Variants in FUT9 observed in about 807,000 individuals in gnomAD.
FUT9 encodes 4-galactosyl-N-acetylglucosaminide 3-alpha-L-fucosyltransferase 9.
Under a neutral mutation model 29.7 loss-of-function variants are expected in FUT9, and 15 were observed. The ratio of observed to expected loss-of-function variants is 0.51; its 90% confidence interval spans 0.34 to 0.78. FUT9 has a LOEUF of 0.78. Ranked by LOEUF, FUT9 falls within the 30% of genes least tolerant of loss-of-function variation. The probability of loss-of-function intolerance (pLI) is 0.01; values close to 1 mark genes in which losing one functional copy is unlikely to be tolerated. For missense variants in FUT9, 319 were observed against 425.4 expected (o/e 0.75, Z 2.20); for synonymous variants, 169 against 153.7 (o/e 1.10, Z -0.74).
chr6:96,146,609 G>C (rs1772572158), intron 2 of FUT9, among the ~76,000 whole-genome samples: 1 of 152,144 alleles, frequency 6.6e-6, no homozygotes, highest in Admixed American at 6.5e-5. Flanking sequence ...CATTTAAAGA[G>C]AAATAAATTA....
intron 1 of FUT9, among the ~76,000 whole-genome samples, chr6:96,071,753 C>G (rs1771066793): frequency 6.6e-6 from 1 of 151,900 alleles, no homozygotes. Context: ...AACAGCCAAT[C>G]AATAATTATA....
intron 2 of FUT9, among the ~76,000 whole-genome samples, chr6:96,126,246 C>T (rs1772131536): frequency 6.6e-6 from 1 of 152,170 alleles, no homozygotes; most frequent in South Asian, 2.1e-4. Flanking sequence ...ATCTGCTCAG[C>T]TTCTGGTGAG....
intron 1 of FUT9, among the ~76,000 whole-genome samples, chr6:96,096,684 A>ACGTGTGTGTGTGTGTG (rs113198716): frequency 1.4e-5 from 2 of 140,766 alleles, no homozygotes; most frequent in African/African-American, 5.4e-5. Context: ...TGTCTAAGGC[A>ACGTGTGTGTGTGTGTG]TGTGTGTGTG....
Position 96,214,802 on chromosome 6 carries a change from G to T in FUT9, c.*10567G>T, listed in dbSNP as rs760933596. ...AATTTCATTGCTATGTTATTAAAATGATGGGAATCCTATTTATACATTTAT... is the reference window on the plus strand; with the variant it reads ...AATTTCATTGCTATGTTATTAAAATTATGGGAATCCTATTTATACATTTAT... On this transcript the variant is annotated 3_prime_UTR_variant, in exon 3 of 3. Coordinates refer to ENST00000302103, the MANE Select transcript of FUT9 (RefSeq NM_006581.4). 1 of 166,916 alleles carries T rather than the reference G, an allele frequency of 6.0e-6. No homozygotes were observed. Among genetic ancestry groups the T allele is most frequent in the African/African-American group, 2.4e-5 (1 of 41,418 alleles). The allele number at this position is 166,916 out of a possible 1,614,324, so 10.3% of individuals were successfully genotyped here.
chr6:96,132,592 G>T (rs563670632), intron 2 of FUT9, among the ~76,000 whole-genome samples: 1 of 152,172 alleles, frequency 6.6e-6, no homozygotes, highest in African/African-American at 2.4e-5. Context: ...CGACAATTTT[G>T]GGGGACTTGT....
chr6:96,043,342 G>A (rs1311844490), intron 1 of FUT9, among the ~76,000 whole-genome samples: 4 of 152,294 alleles, frequency 2.6e-5, no homozygotes, highest in East Asian at 1.9e-4. Context: ...GAGCCACCGC[G>A]CCCAGACGAT....
chr6:96,048,035 G>A (rs1770594857), intron 1 of FUT9, among the ~76,000 whole-genome samples: 1 of 152,200 alleles, frequency 6.6e-6, no homozygotes, highest in South Asian at 2.1e-4. Flanking sequence ...TCTTCTAGAC[G>A]CTGCCTGCAT....
Position 96,129,101 on chromosome 6 carries a change from CA to C in FUT9, c.-9+14989del, listed in dbSNP as rs34943333. Among the ~76,000 whole-genome samples the C allele has an allele frequency of 2.2e-3, 300 of 134,468 alleles. 1 individual carries two copies. Among genetic ancestry groups the C allele is most frequent in the African/African-American group, 5.0e-3 (177 of 35,522 alleles). The allele number at this position is 134,468 out of a possible 152,430, so 88.2% of individuals were successfully genotyped here. On this transcript the variant is annotated intron_variant, in intron 2 of 2. Coordinates refer to ENST00000302103, the MANE Select transcript of FUT9 (RefSeq NM_006581.4). ...TGAAACCCTGTCTCTACTAAAAATA[CA>C]AAAAAAAAAAAAAATAGCTGGGCGT...
At chr6:96,115,405 A>T (rs935140323) in intron 2 of FUT9, among the ~76,000 whole-genome samples, 1 of 152,228 alleles carries the variant, frequency 6.6e-6, no homozygotes, top group East Asian at 1.9e-4. Context: ...CAATTCAGAT[A>T]CTAAAGTTTT....
At chr6:96,035,321 G>A (rs1207894895) in intron 1 of FUT9, among the ~76,000 whole-genome samples, 4 of 151,254 alleles carry the variant, frequency 2.6e-5, no homozygotes, top group Non-Finnish European at 5.9e-5. Context: ...ACAAAAAAGT[G>A]CATAAATGCA....
chr6:96,063,198 T>C (rs1012607961), intron 1 of FUT9, among the ~76,000 whole-genome samples: 5 of 152,070 alleles, frequency 3.3e-5, no homozygotes, highest in Non-Finnish European at 7.3e-5. Context: ...TGGCTGACAA[T>C]TTAGGGTGTA....
intron 1 of FUT9, among the ~76,000 whole-genome samples, chr6:96,016,803 G>A (rs192500382): frequency 6.6e-6 from 1 of 152,134 alleles, no homozygotes; most frequent in African/African-American, 2.4e-5. Context: ...ACACAGACAC[G>A]CTGTGATCCT....
chr6:96,075,413 A>T (rs907181803), intron 1 of FUT9, among the ~76,000 whole-genome samples: 4 of 152,162 alleles, frequency 2.6e-5, no homozygotes, highest in African/African-American at 9.7e-5. Flanking sequence ...CATATTTAGC[A>T]TCTGTAAGAA....
intron 1 of FUT9, among the ~76,000 whole-genome samples, chr6:96,071,786 A>G (rs1332254807): frequency 2.0e-5 from 3 of 151,950 alleles, no homozygotes; most frequent in African/African-American, 7.2e-5. Context: ...GTTAATATTT[A>G]AAATTAAAAT....
At chr6:96,127,798 A>C (rs1772160884) in intron 2 of FUT9, among the ~76,000 whole-genome samples, 1 of 151,950 alleles carries the variant, frequency 6.6e-6, no homozygotes, top group African/African-American at 2.4e-5. Flanking sequence ...GCATTTTTTC[A>C]TATGCTTATT....
At position 96,043,201 on chromosome 6, in the gene FUT9, A is replaced by G. The variant is rs543788604; in HGVS notation, c.-98+26989A>G. ...CGAGTAGCTGGGACTACAGGCGCCC[A>G]CCACCACGCCCGGCTAATTTTTTGT... is the stretch of plus-strand genomic sequence containing the variant. On this transcript the variant is annotated intron_variant, in intron 1 of 2. Transcript: ENST00000302103. Among the ~76,000 whole-genome samples the G allele has an allele frequency of 5.1e-3, 769 of 152,084 alleles. 2 individuals are homozygous for G. Among genetic ancestry groups the G allele is most frequent in the Middle Eastern group, 0.01 (3 of 294 alleles).
chr6:96,081,184 T>G (rs1369362484), intron 1 of FUT9, among the ~76,000 whole-genome samples: 1 of 151,914 alleles, frequency 6.6e-6, no homozygotes, highest in Non-Finnish European at 1.5e-5. Flanking sequence ...TCAATGAATA[T>G]TTAACATCAT....
chr6:96,180,201 G>A (rs1012817607), intron 2 of FUT9, among the ~76,000 whole-genome samples: 1 of 152,122 alleles, frequency 6.6e-6, no homozygotes, highest in African/African-American at 2.4e-5. Context: ...TGTTTACTGA[G>A]TGTTTGCTAT....
intron 2 of FUT9, among the ~76,000 whole-genome samples, chr6:96,157,840 A>C (rs1175316800): frequency 1.3e-5 from 2 of 152,114 alleles, no homozygotes; most frequent in Non-Finnish European, 2.9e-5. Context: ...ACTTGTCTTC[A>C]AATCTACTCC....
Sources: allele counts gnomAD v4.1 joint callset (sites outside exome capture counted in the v4.1 genomes callset), GRCh38; gene constraint gnomAD v4.1.1; transcripts MANE v1.5; gene names NCBI Gene and HGNC (gene_info 2026-07-23, HGNC 2026-07-21).